Variants in LRP2 observed in about 807,000 individuals in gnomAD.
LRP2 encodes the protein LDL receptor related protein 2, also known as low-density lipoprotein receptor-related protein 2.
In LRP2, 172 loss-of-function variants were observed where a neutral mutation model predicts 531.0. The observed-to-expected ratio is 0.32, with a 90% CI of 0.29 to 0.37. The LOEUF is 0.37. LRP2 is among the 10% of genes least tolerant of loss of function. The pLI is 1.00. For synonymous variants in LRP2, 1,992 were observed against 2,027.6 expected, an observed-to-expected ratio of 0.98 and a Z score of 0.47; for missense variants, 5,167 against 5,868.3, an observed-to-expected ratio of 0.88 and a Z score of 3.90.
chr2:169,358,540 C>T (rs1185894267), intron 1 of LRP2, among the ~76,000 whole-genome samples: 1 of 152,164 alleles, frequency 6.6e-6, no homozygotes, highest in Non-Finnish European at 1.5e-5. Context: ...GAAATTAAAG[C>T]AGCAGTGAGG....
Position 169,227,018 on chromosome 2 carries a change from A to G in LRP2, c.5228-430T>C, listed in dbSNP as rs576823020. Among the ~76,000 whole-genome samples, 3 of 152,342 alleles carry G rather than the reference A, an allele frequency of 2.0e-5. No homozygotes were observed. The East Asian group carries it at 5.8e-4, about 29-fold the overall frequency. ...AAAATCATTGAGACTATTCTTGTGA[A>G]AGGCAGCTTACTAGTTTTAAGAATG... is the stretch of plus-strand genomic sequence containing the variant. On this transcript the variant is annotated intron_variant, in intron 31 of 78. Transcript: ENST00000649046.
Position 169,142,602 on chromosome 2 carries a change from G to T in LRP2, c.13108+72C>A, listed in dbSNP as rs908735917. On this transcript the variant is annotated intron_variant, in intron 71 of 78. Coordinates refer to ENST00000649046, the MANE Select transcript of LRP2 (RefSeq NM_004525.3). ...TGCTGCAAAGGACCCAGCATACAGG[G>T]ATTCTTCTGACTCCTGAAGGCAGCA... The T allele has an allele frequency of 5.6e-6, 9 of 1,601,290 alleles. No individual in the cohort carries two copies. The African/African-American group carries it at 9.4e-5, about 17-fold the overall frequency.
rs1339478662 is a variant in LRP2, at chr2:169,236,031, G to A, written c.4729C>T (p.Pro1577Ser). ...LLFWSDWGHH[P>S]RIERASMDGS... ...TCCATGCTGGCTCGCTCGATGCGAGGGTGGTGGCCCCAGTCAGACCAGAAC... is the reference window on the plus strand; with the variant it reads ...TCCATGCTGGCTCGCTCGATGCGAGAGTGGTGGCCCCAGTCAGACCAGAAC... The change falls in exon 29 of 79, where the codon CCT (proline) becomes TCT (serine). Residue 1577 changes from proline (P) to serine (S), a missense_variant. Physicochemically the swap from Pro to Ser is moderately conservative, Grantham distance 74. Coordinates refer to ENST00000649046, the MANE Select transcript of LRP2 (RefSeq NM_004525.3). The A allele has an allele frequency of 1.9e-6, 3 of 1,614,086 alleles. No individual in the cohort carries two copies.
intron 1 of LRP2, among the ~76,000 whole-genome samples, chr2:169,323,065 T>C (rs1684946871): frequency 1.3e-5 from 2 of 152,168 alleles, no homozygotes; most frequent in African/African-American, 4.8e-5. Context: ...AAAAGTCATT[T>C]TATAAAACAC....
chr2:169,275,233 G>T lies in LRP2; in HGVS notation c.1778C>A (p.Thr593Asn), dbSNP rs761133892. The stretch of plus-strand genomic sequence containing the variant: ...AATGAGGGAGCCTCCATGAACTACA[G>T]TCTTCCTGTTATAAAAGACACATAT... Reference protein sequence around the residue: ...TVTYDGIQRKTVVHGGSLIPH... With the variant: ...TVTYDGIQRKNVVHGGSLIPH... Residue 593 changes from threonine to asparagine, a missense_variant, in exon 14 of 79, where the codon ACT (threonine) becomes AAT (asparagine). Physicochemically the swap from Thr to Asn is moderately conservative, Grantham distance 65 (BLOSUM62 0). Around this residue, in one of 6 missense-constraint regions of LRP2, gnomAD observed 2,811 missense variants for 3,058.0 expected, o/e 0.92. Coordinates refer to ENST00000649046, the MANE Select transcript of LRP2 (RefSeq NM_004525.3). 33 of 1,612,226 alleles carry T rather than the reference G, an allele frequency of 2.0e-5. No individual in the cohort carries two copies. The highest frequency in any genetic ancestry group is 2.5e-5 in the Non-Finnish European group (30 of 1,178,678).
At chr2:169,139,168 T>C (rs895854084) in intron 74 of LRP2, 83 bp downstream of exon 74, 2 of 1,602,040 alleles carry the variant, frequency 1.2e-6, no homozygotes. Context: ...TTTTTTAACT[T>C]AGAAAGAAAA....
chr2:169,352,901 T>G (rs1685891303), intron 1 of LRP2, among the ~76,000 whole-genome samples: 1 of 151,826 alleles, frequency 6.6e-6, no homozygotes. Context: ...AGGGAGAGCA[T>G]TAGGACAAAT....
chr2:169,348,915 T>C (rs2544392), intron 1 of LRP2, among the ~76,000 whole-genome samples: 66,175 of 151,988 alleles, frequency 0.44, 15,628 homozygotes, highest in African/African-American at 0.63. Context: ...CATCAGGACC[T>C]TGACTGGGCC....
At chr2:169,304,775 T>C (rs1346622725) in intron 4 of LRP2, among the ~76,000 whole-genome samples, 1 of 152,222 alleles carries the variant, frequency 6.6e-6, no homozygotes, top group Non-Finnish European at 1.5e-5. Flanking sequence ...GTATGTTTAT[T>C]GTAGCACTAT....
At chr2:169,265,928 A>G (rs1690781022) in intron 16 of LRP2, among the ~76,000 whole-genome samples, 1 of 151,942 alleles carries the variant, frequency 6.6e-6, no homozygotes, top group African/African-American at 2.4e-5. Flanking sequence ...GAAAAAAAAA[A>G]TTATAGATTG....
At chr2:169,280,618 T>G (rs1683678640) in intron 10 of LRP2, 99 bp from the exon 11 acceptor site, 1 of 1,187,498 alleles carries the variant, frequency 8.4e-7, no homozygotes, top group African/African-American at 1.5e-5. Flanking sequence ...AAATGCTATC[T>G]TCTAGGTTGT....
chr2:169,206,857 T>C lies in LRP2; in HGVS notation c.6863A>G (p.Asn2288Ser). The change falls in exon 39 of 79, where the codon AAT (asparagine) becomes AGT (serine). Residue 2288 changes from asparagine (N) to serine (S), a missense_variant. Transcript: ENST00000649046. ...PTPYGITVFE[N>S]SIIWVDRNLK... is the part of the protein sequence containing the mutation. Reference sequence around the variant, plus strand: ...ATTCCTATCTACCCATATGATAGAATTTTCAAAAACAGTGATGCCATAAGG... The same window carrying C: ...ATTCCTATCTACCCATATGATAGAACTTTCAAAAACAGTGATGCCATAAGG... 3 of 1,614,174 alleles carry C rather than the reference T, an allele frequency of 1.9e-6. No individual in the cohort carries two copies. Among genetic ancestry groups the C allele is most frequent in the Non-Finnish European group, 2.5e-6 (3 of 1,180,026 alleles).
In LRP2 at chr2:169,185,956, G is replaced by A. The variant is rs943313790; in HGVS notation, c.9392C>T (p.Thr3131Ile). The A allele has an allele frequency of 6.2e-7, 1 of 1,613,950 alleles. No homozygotes were observed. Among genetic ancestry groups the A allele is most frequent in the Non-Finnish European group, 8.5e-7 (1 of 1,179,952 alleles). Reference protein sequence around the residue: ...GCDHNCTDTLTSFYCSCRPGY... With the variant: ...GCDHNCTDTLISFYCSCRPGY... Reference sequence around the variant, plus strand: ...AGGACGACAGGAACAATAGAAACTGGTTAAGGTGTCTGTGCAGTTGTGATC... The same window carrying A: ...AGGACGACAGGAACAATAGAAACTGATTAAGGTGTCTGTGCAGTTGTGATC... The change falls in exon 50 of 79, where the codon ACC becomes ATC. Residue 3131 changes from threonine to isoleucine, a missense_variant. Physicochemically the swap from Thr to Ile is moderately conservative, Grantham distance 89. Coordinates refer to ENST00000649046, the MANE Select transcript of LRP2 (RefSeq NM_004525.3).
At chr2:169,320,997 A>G in intron 1 of LRP2, 113 bp from the exon 2 acceptor site, 2 of 744,224 alleles carry the variant, frequency 2.7e-6, no homozygotes, top group South Asian at 1.6e-5. Context: ...AATCAAAGAA[A>G]TGCAAATTAG....
At chr2:169,222,568 T>C (rs1372607658) in intron 33 of LRP2, among the ~76,000 whole-genome samples, 1 of 152,174 alleles carries the variant, frequency 6.6e-6, no homozygotes, top group Non-Finnish European at 1.5e-5. Context: ...AGATCACCAA[T>C]GGATGCCTGA....
chr2:169,178,812 A>G (rs1209852033), intron 52 of LRP2, among the ~76,000 whole-genome samples: 1 of 152,168 alleles, frequency 6.6e-6, no homozygotes, highest in African/African-American at 2.4e-5. Flanking sequence ...CTCAAACAGG[A>G]GATAGAACAA....
intron 4 of LRP2, among the ~76,000 whole-genome samples, chr2:169,304,988 CTCACTCAT>C (rs1684378275): frequency 6.6e-6 from 1 of 152,158 alleles, no homozygotes; most frequent in Non-Finnish European, 1.5e-5. Context: ...GCCACATGTT[CTCACTCAT>C]AAGTGGGAGT....
chr2:169,248,000 A>AT (rs1009667568), intron 19 of LRP2, among the ~76,000 whole-genome samples: 3 of 152,116 alleles, frequency 2.0e-5, no homozygotes, highest in Non-Finnish European at 2.9e-5. Context: ...TTAAATTGTA[A>AT]TTTTTTTCCC....
At chr2:169,346,677 A>T (rs1161641506) in intron 1 of LRP2, among the ~76,000 whole-genome samples, 1 of 152,248 alleles carries the variant, frequency 6.6e-6, no homozygotes, top group Admixed American at 6.5e-5. Context: ...CCATCTCTAA[A>T]TTTTTTTAAA....
Sources: allele counts gnomAD v4.1 joint callset (sites outside exome capture counted in the v4.1 genomes callset), GRCh38; gene constraint gnomAD v4.1.1; regional missense constraint gnomAD v4.1.1; transcripts MANE v1.5; gene names NCBI Gene and HGNC (gene_info 2026-07-23, HGNC 2026-07-21).